Variants in PLEKHM3 observed in about 807,000 individuals in gnomAD.
PLEKHM3 encodes pleckstrin homology domain containing M3.
In PLEKHM3, 45 loss-of-function variants were observed where a neutral mutation model predicts 81.8. The observed-to-expected ratio is 0.55, with a 90% CI of 0.43 to 0.71. PLEKHM3 has a LOEUF of 0.71. Among genes scored for constraint, PLEKHM3 ranks in the 30% least tolerant of loss-of-function variants. The pLI, the probability that PLEKHM3 is intolerant of heterozygous loss-of-function variation, is 0.00. For missense variants in PLEKHM3, 788 were observed against 924.3 expected, an observed-to-expected ratio of 0.85 and a Z score of 1.91; for synonymous variants, 352 against 356.4, an observed-to-expected ratio of 0.99 and a Z score of 0.14.
At chr2:207,864,453 T>A (rs2092484864) in intron 6 of PLEKHM3, among the ~76,000 whole-genome samples, 1 of 152,222 alleles carries the variant, frequency 6.6e-6, no homozygotes. Context: ...CTCATTTTAC[T>A]CTTCTCTAAA....
chr2:208,019,214 G>A (rs1009528784), intron 1 of PLEKHM3, among the ~76,000 whole-genome samples: 1 of 152,142 alleles, frequency 6.6e-6, no homozygotes, highest in African/African-American at 2.4e-5. Flanking sequence ...GCTGAGGTAG[G>A]AGGATCGCTT....
At chr2:207,836,034 AC>A (rs1427238296) in intron 7 of PLEKHM3, among the ~76,000 whole-genome samples, 15 of 152,294 alleles carry the variant, frequency 9.8e-5, no homozygotes, top group African/African-American at 3.4e-4. Flanking sequence ...GGAAGGGAGG[AC>A]CAGAGTTCAA....
intron 7 of PLEKHM3, among the ~76,000 whole-genome samples, chr2:207,860,151 C>CTGTGTGTGTGTGTG (rs55739776): frequency 0.024 from 2,621 of 110,660 alleles, 88 homozygotes; most frequent in East Asian, 0.046. Context: ...AACTCTGCCT[C>CTGTGTGTGTGTGTG]TGTGTGTGTG....
chr2:207,973,954 CCTGT>C, intron 3 of PLEKHM3, among the ~76,000 whole-genome samples: 1 of 152,098 alleles, frequency 6.6e-6, no homozygotes. Context: ...AAATTAGAAA[CCTGT>C]CTCTCTCTGC....
intron 1 of PLEKHM3, among the ~76,000 whole-genome samples, chr2:208,018,329 T>C (rs113274393): frequency 2.2e-4 from 31 of 141,212 alleles, no homozygotes; most frequent in African/African-American, 8.4e-4. Context: ...GCCAAGATCA[T>C]GCCACTGAAC....
At chr2:207,920,594 AATG>A (rs1689148419) in intron 5 of PLEKHM3, among the ~76,000 whole-genome samples, 1 of 152,038 alleles carries the variant, frequency 6.6e-6, no homozygotes, top group African/African-American at 2.4e-5. Context: ...AAAAATGTAG[AATG>A]ATTTCTAAAT....
At chr2:207,897,870 C>T (rs1688276513) in intron 6 of PLEKHM3, among the ~76,000 whole-genome samples, 1 of 152,162 alleles carries the variant, frequency 6.6e-6, no homozygotes, top group African/African-American at 2.4e-5. Flanking sequence ...CAACCAACAG[C>T]TTAAGGGAAT....
At chr2:207,882,769 G>A (rs1687740253) in intron 6 of PLEKHM3, among the ~76,000 whole-genome samples, 2 of 152,176 alleles carry the variant, frequency 1.3e-5, no homozygotes, top group East Asian at 1.9e-4. Flanking sequence ...ATACAAGCTC[G>A]ATAAGCTCAG....
chr2:207,912,514 T>A (rs565969073), intron 5 of PLEKHM3, among the ~76,000 whole-genome samples: 1 of 152,188 alleles, frequency 6.6e-6, no homozygotes, highest in African/African-American at 2.4e-5. Flanking sequence ...TCTGGAGAAC[T>A]GGAGAAGATG....
intron 5 of PLEKHM3, among the ~76,000 whole-genome samples, chr2:207,913,596 T>C (rs1688881755): frequency 6.6e-6 from 1 of 151,840 alleles, no homozygotes; most frequent in African/African-American, 2.4e-5. Context: ...GACTGGGTGG[T>C]TTCAGGGGAG....
intron 5 of PLEKHM3, chr2:207,929,876 T>C (rs944980136): frequency 1.9e-5 from 13 of 698,224 alleles, no homozygotes; most frequent in Non-Finnish European, 3.4e-5. Context: ...TTTCCAAAAG[T>C]TCTTAGGCAG....
intron 7 of PLEKHM3, among the ~76,000 whole-genome samples, chr2:207,831,805 C>T (rs576265799): frequency 6.6e-6 from 1 of 152,326 alleles, no homozygotes; most frequent in South Asian, 2.1e-4. Flanking sequence ...GGGCCAGCTC[C>T]TTCCTAGTGG....
chr2:208,000,558 G>A (rs1417505418), intron 2 of PLEKHM3, among the ~76,000 whole-genome samples: 2 of 152,142 alleles, frequency 1.3e-5, no homozygotes, highest in African/African-American at 2.4e-5. Context: ...CTTTGCTGGT[G>A]TTGGATCCCC....
intron 7 of PLEKHM3, among the ~76,000 whole-genome samples, chr2:207,831,641 C>T (rs1304755950): frequency 1.3e-5 from 2 of 152,172 alleles, no homozygotes; most frequent in East Asian, 1.9e-4. Flanking sequence ...GCTGCGACGC[C>T]GCCCCTCACA....
At chr2:208,005,849 T>C (rs1692476444) in intron 1 of PLEKHM3, among the ~76,000 whole-genome samples, 1 of 152,218 alleles carries the variant, frequency 6.6e-6, no homozygotes, top group Non-Finnish European at 1.5e-5. Flanking sequence ...AATGCATTGT[T>C]GTCGCATTGC....
At chr2:207,977,869 T>C (rs1691373837) in intron 2 of PLEKHM3, among the ~76,000 whole-genome samples, 2 of 152,148 alleles carry the variant, frequency 1.3e-5, no homozygotes, top group Non-Finnish European at 2.9e-5. Flanking sequence ...GAGGGATTGC[T>C]TGAGCCCAGG....
At position 207,977,035 on chromosome 2, in the gene PLEKHM3, A is replaced by G. The variant is rs751871272; in HGVS notation, c.1162T>C (p.Tyr388His). 1.1e-5 allele frequency: 17 copies of G among 1,614,244 alleles called. No individual in the cohort carries two copies. Among genetic ancestry groups the G allele is most frequent in the Middle Eastern group, 1.6e-4 (1 of 6,062 alleles). ...KAFTFVLSRA[Y>H]LMAFQPGKLD... ...TTGCCAGGCTGAAAAGCCATAAGGT[A>G]AGCCCTGCTCAGCACAAATGTAAAT... is the stretch of plus-strand genomic sequence containing the variant. The change falls in exon 3 of 8, where the codon TAC (tyrosine) becomes CAC (histidine). Residue 388 changes from tyrosine (Y) to histidine (H), a missense_variant. By Grantham distance (83) the Tyr-to-His change is moderately conservative. Coordinates refer to ENST00000427836, the MANE Select transcript of PLEKHM3 (RefSeq NM_001080475.3).
intron 3 of PLEKHM3, among the ~76,000 whole-genome samples, chr2:207,958,644 T>C (rs1690610336): frequency 6.6e-6 from 1 of 152,116 alleles, no homozygotes; most frequent in Non-Finnish European, 1.5e-5. Flanking sequence ...ATGTGGTGGC[T>C]CACGCCTATA....
intron 2 of PLEKHM3, among the ~76,000 whole-genome samples, chr2:207,979,261 G>A (rs1466780607): frequency 6.6e-6 from 1 of 152,160 alleles, no homozygotes; most frequent in Admixed American, 6.5e-5. Flanking sequence ...CCAGTCAGGC[G>A]CAGTGGCTCA....
Sources: gnomAD v4.1 joint callset for allele counts (sites outside exome capture counted in the v4.1 genomes callset) on GRCh38, gnomAD v4.1.1 for gene constraint, MANE v1.5 for transcripts, NCBI Gene and HGNC (gene_info 2026-07-23, HGNC 2026-07-21) for gene names.